KCNIP4: variants seen among roughly 807,000 people sequenced by gnomAD.
KCNIP4 encodes potassium voltage-gated channel interacting protein 4, also known as Kv channel-interacting protein 4.
KCNIP4 carries 12 observed loss-of-function variants against 34.0 expected under a neutral mutation model. The ratio of observed to expected loss-of-function variants is 0.35; its 90% confidence interval spans 0.23 to 0.57. KCNIP4 has a LOEUF of 0.57. Ranked by LOEUF, KCNIP4 falls within the 20% of genes least tolerant of loss-of-function variation. The pLI is 0.83. For missense variants in KCNIP4, 238 were observed against 311.7 expected (o/e 0.76, Z 1.78); for synonymous variants, 124 against 102.2 (o/e 1.21, Z -1.29).
intron 1 of KCNIP4, among the ~76,000 whole-genome samples, chr4:21,271,895 G>A (rs1210851414): frequency 2.0e-5 from 3 of 152,166 alleles, no homozygotes; most frequent in South Asian, 2.1e-4. Flanking sequence ...ATAGGGCAAG[G>A]CAGAGAGGTA....
intron 1 of KCNIP4, among the ~76,000 whole-genome samples, chr4:21,035,735 G>T (rs1288675063): frequency 6.6e-6 from 1 of 152,206 alleles, no homozygotes; most frequent in Non-Finnish European, 1.5e-5. Flanking sequence ...CATATTCCCT[G>T]AGATTCCTGT....
chr4:21,259,584 G>GA (rs895040790), intron 1 of KCNIP4, among the ~76,000 whole-genome samples: 5 of 151,988 alleles, frequency 3.3e-5, no homozygotes, highest in Admixed American at 2.6e-4. Context: ...TGTTATTACA[G>GA]AAAAAAACAC....
intron 1 of KCNIP4, among the ~76,000 whole-genome samples, chr4:21,281,850 C>T (rs1268211421): frequency 6.6e-6 from 1 of 152,110 alleles, no homozygotes; most frequent in Non-Finnish European, 1.5e-5. Flanking sequence ...GTGGAAATAG[C>T]CATGAGCTTT....
At chr4:20,820,530 G>C (rs1716972113) in intron 3 of KCNIP4, among the ~76,000 whole-genome samples, 1 of 152,200 alleles carries the variant, frequency 6.6e-6, no homozygotes, top group South Asian at 2.1e-4. Flanking sequence ...AGCCTGGCCA[G>C]ATTGTAAAGA....
chr4:20,857,897 G>T (rs1338811967), intron 2 of KCNIP4, among the ~76,000 whole-genome samples: 2 of 151,936 alleles, frequency 1.3e-5, no homozygotes, highest in Non-Finnish European at 2.9e-5. Flanking sequence ...GTATTTGGAG[G>T]TAGGGCCTTT....
intron 1 of KCNIP4, among the ~76,000 whole-genome samples, chr4:21,400,465 T>TTTCTCCTCTCCCC (rs1553876082): frequency 8.5e-6 from 1 of 117,974 alleles, no homozygotes; most frequent in African/African-American, 3.6e-5. Flanking sequence ...TTTCTTTCTG[T>TTTCTCCTCTCCCC]TCCTCTCCTC....
intron 3 of KCNIP4, among the ~76,000 whole-genome samples, chr4:20,809,770 T>C (rs995386642): frequency 2.6e-5 from 4 of 152,328 alleles, no homozygotes; most frequent in South Asian, 2.1e-4. Flanking sequence ...GCACGAAACC[T>C]CTTAAAGTTT....
intron 1 of KCNIP4, among the ~76,000 whole-genome samples, chr4:21,948,216 T>A (rs998784934): frequency 1.3e-5 from 2 of 152,180 alleles, no homozygotes; most frequent in African/African-American, 4.8e-5. Context: ...TCCCCAGGTG[T>A]TAGGGGAAGG....
intron 1 of KCNIP4, among the ~76,000 whole-genome samples, chr4:21,497,855 A>T (rs1443344240): frequency 6.6e-6 from 1 of 152,192 alleles, no homozygotes; most frequent in African/African-American, 2.4e-5. Flanking sequence ...ATTACAATAC[A>T]ATAAAAACGT....
At chr4:21,562,222 T>TAA (rs11460746) in intron 1 of KCNIP4, among the ~76,000 whole-genome samples, 76 of 150,722 alleles carry the variant, frequency 5.0e-4, no homozygotes, top group African/African-American at 1.0e-3. Flanking sequence ...AGGTTTAATT[T>TAA]AAAAAAAAAA....
intron 2 of KCNIP4, among the ~76,000 whole-genome samples, chr4:20,870,152 T>A (rs1235390871): frequency 2.6e-5 from 4 of 152,104 alleles, no homozygotes; most frequent in African/African-American, 9.7e-5. Context: ...TTTGGCTGCG[T>A]GTGCCCACCC....
intron 1 of KCNIP4, among the ~76,000 whole-genome samples, chr4:21,105,094 A>G (rs1342437195): frequency 6.6e-6 from 1 of 151,646 alleles, no homozygotes; most frequent in African/African-American, 2.4e-5. Context: ...TTTTGGTTCC[A>G]TATGAACCTT....
At chr4:21,193,017 T>A (rs1024720315) in intron 1 of KCNIP4, among the ~76,000 whole-genome samples, 4 of 151,014 alleles carry the variant, frequency 2.6e-5, no homozygotes, top group African/African-American at 9.8e-5. Flanking sequence ...CTCAGGAGGC[T>A]GAGGCAGGAG....
intron 1 of KCNIP4, among the ~76,000 whole-genome samples, chr4:21,556,943 A>AAAAAAAAC: frequency 7.0e-6 from 1 of 142,436 alleles, no homozygotes; most frequent in South Asian, 2.2e-4. Context: ...AAAAAAAAAA[A>AAAAAAAAC]CCAGAAAACA....
intron 1 of KCNIP4, among the ~76,000 whole-genome samples, chr4:21,057,136 T>C (rs1342863637): frequency 1.3e-5 from 2 of 152,062 alleles, no homozygotes; most frequent in East Asian, 3.9e-4. Context: ...TGTAGGAGTA[T>C]CTATGTGGGA....
At chr4:21,712,131 G>A (rs1164090122) in intron 1 of KCNIP4, among the ~76,000 whole-genome samples, 1 of 105,924 alleles carries the variant, frequency 9.4e-6, no homozygotes, top group Non-Finnish European at 2.3e-5. Context: ...TATTTTAAAA[G>A]TATTCAAAAC....
At chr4:21,107,234 A>C (rs1004512817) in intron 1 of KCNIP4, among the ~76,000 whole-genome samples, 1 of 145,512 alleles carries the variant, frequency 6.9e-6, no homozygotes, top group African/African-American at 2.7e-5. Flanking sequence ...TGGGAGTCTA[A>C]GTCTCTTTGT....
At chr4:21,282,254 C>T (rs1267018126) in intron 1 of KCNIP4, among the ~76,000 whole-genome samples, 1 of 152,134 alleles carries the variant, frequency 6.6e-6, no homozygotes, top group Non-Finnish European at 1.5e-5. Context: ...ATTTAACTTA[C>T]ACTTAAATAC....
At chr4:21,062,549 TG>T (rs1744017427) in intron 1 of KCNIP4, among the ~76,000 whole-genome samples, 1 of 152,006 alleles carries the variant, frequency 6.6e-6, no homozygotes, top group South Asian at 2.1e-4. Context: ...TGTGTGTGTG[TG>T]TGTGTCACAC....
Sources: allele counts gnomAD v4.1 joint callset (sites outside exome capture counted in the v4.1 genomes callset), GRCh38; gene constraint gnomAD v4.1.1; transcripts MANE v1.5; gene names NCBI Gene and HGNC (gene_info 2026-07-23, HGNC 2026-07-21).